The following MYO1H variants were observed in gnomAD, a reference collection of about 807,000 sequenced individuals.
The protein encoded by MYO1H is myosin IH.
Under a neutral mutation model 149.3 loss-of-function variants are expected in MYO1H, and 118 were observed. That is an observed-to-expected ratio of 0.79 (90% CI 0.68 to 0.92). The LOEUF (loss-of-function observed/expected upper bound fraction) is 0.92. Ranked by LOEUF, MYO1H falls within the 40% of genes least tolerant of loss-of-function variation. The pLI is 0.00. For missense variants in MYO1H, 1,212 were observed against 1,280.7 expected (o/e 0.95, Z 0.82); for synonymous variants, 447 against 465.2 (o/e 0.96, Z 0.50).
At chr12:109,312,793 T>G in the MYO1H span, among the ~76,000 whole-genome samples, 4 of 29,524 alleles carry the variant, frequency 1.4e-4, no homozygotes, top group Middle Eastern at 0.028. Context: ...TTGTTTTGTT[T>G]TTTTTTTTTT....
intron 31 of MYO1H, chr12:109,446,222 C>T: frequency 3.0e-6 from 3 of 985,456 alleles, no homozygotes; most frequent in Non-Finnish European, 3.6e-6. Flanking sequence ...CCTGAGCACA[C>T]AAGTACGCTG....
intron 6 of MYO1H, among the ~76,000 whole-genome samples, chr12:109,402,021 C>T (rs185154207): frequency 2.0e-5 from 3 of 151,722 alleles, no homozygotes; most frequent in Admixed American, 6.6e-5. Context: ...TTTACAGGCA[C>T]GAGCCACTGT....
At chr12:109,338,702 G>T in the MYO1H span, among the ~76,000 whole-genome samples, 1 of 148,210 alleles carries the variant, frequency 6.7e-6, no homozygotes, top group African/African-American at 2.5e-5. Flanking sequence ...GGAGGTGGAG[G>T]TTGCAGCGAG....
the MYO1H span, among the ~76,000 whole-genome samples, chr12:109,323,031 T>C: frequency 5.9e-5 from 9 of 152,084 alleles, no homozygotes; most frequent in African/African-American, 2.2e-4. Context: ...CGCTTGAACC[T>C]GGGAGGCAGA....
At chr12:109,423,837 T>C (rs992136999) in intron 16 of MYO1H, among the ~76,000 whole-genome samples, 1 of 152,316 alleles carries the variant, frequency 6.6e-6, no homozygotes, top group South Asian at 2.1e-4. Flanking sequence ...ATGTTACCTA[T>C]GTAGGGAAAA....
intron 1 of MYO1H, among the ~76,000 whole-genome samples, chr12:109,388,082 G>A (rs1869454968): frequency 6.6e-6 from 1 of 152,112 alleles, no homozygotes. Flanking sequence ...ATATTCCTCT[G>A]TAGCAAGAAT....
At chr12:109,417,902 G>A (rs991760431) in intron 15 of MYO1H, among the ~76,000 whole-genome samples, 1 of 151,552 alleles carries the variant, frequency 6.6e-6, no homozygotes, top group African/African-American at 2.4e-5. Context: ...TGCAAGCTCC[G>A]CCTCCCGGAT....
chr12:109,441,523 A>T, intron 25 of MYO1H, 92 bp from the exon 26 acceptor site: 1 of 765,226 alleles, frequency 1.3e-6, no homozygotes, highest in Non-Finnish European at 2.1e-6. Context: ...CAGTTTATCC[A>T]GCAAAGGATG....
chr12:109,402,068 CCTTCCACCTT>C (rs1259204070), intron 6 of MYO1H, among the ~76,000 whole-genome samples: 1 of 152,166 alleles, frequency 6.6e-6, no homozygotes, highest in East Asian at 1.9e-4. Flanking sequence ...CGCATTCCTG[CCTTCCACCTT>C]GACAAATGTT....
At chr12:109,393,401 T>C (rs145493707) in exon 3 of MYO1H, 5 of 1,589,146 alleles carry the variant, frequency 3.1e-6, no homozygotes, top group African/African-American at 2.7e-5. Flanking sequence ...GTGAGCCAGA[T>C]GGAACTTTAT....
At chr12:109,337,312 G>T in the MYO1H span, among the ~76,000 whole-genome samples, 1 of 152,046 alleles carries the variant, frequency 6.6e-6, no homozygotes, top group African/African-American at 2.4e-5. Flanking sequence ...TGTAGTAATG[G>T]CATGCCCACT....
At chr12:109,369,290 A>G (rs1868933680) in intron 1 of MYO1H, among the ~76,000 whole-genome samples, 1 of 152,178 alleles carries the variant, frequency 6.6e-6, no homozygotes, top group African/African-American at 2.4e-5. Flanking sequence ...CATGGTGTAT[A>G]TGTACCAAAT....
chr12:109,311,913 G>T, the MYO1H span, among the ~76,000 whole-genome samples: 1 of 152,198 alleles, frequency 6.6e-6, no homozygotes, highest in African/African-American at 2.4e-5. Flanking sequence ...CCAGTTCTAT[G>T]CAGTGGAAAA....
chr12:109,391,124 G>C (rs113599561), intron 2 of MYO1H, among the ~76,000 whole-genome samples: 1 of 152,318 alleles, frequency 6.6e-6, no homozygotes, highest in Non-Finnish European at 1.5e-5. Context: ...GGATGTGCAG[G>C]TTTGTTACAT....
the MYO1H span, among the ~76,000 whole-genome samples, chr12:109,326,534 T>TTTTA: frequency 6.6e-6 from 1 of 150,458 alleles, no homozygotes; most frequent in African/African-American, 2.5e-5. Context: ...TTTTATTTTA[T>TTTTA]TTTTTGAGAC....
intron 14 of MYO1H, among the ~76,000 whole-genome samples, chr12:109,413,231 T>C (rs745888597): frequency 2.6e-4 from 39 of 152,102 alleles, no homozygotes; most frequent in Non-Finnish European, 3.5e-4. Flanking sequence ...CACCTCAGTG[T>C]CCCAAAGTGC....
At chr12:109,395,901 T>TTTG (rs200011746) in intron 3 of MYO1H, among the ~76,000 whole-genome samples, 35,641 of 151,268 alleles carry the variant, frequency 0.24, 5,061 homozygotes, top group Admixed American at 0.38. Context: ...GTTGGTTTGT[T>TTTG]TTGTTGTTGT....
chr12:109,439,850 C>T, intron 24 of MYO1H, 60 bp downstream of exon 24: 1 of 1,473,694 alleles, frequency 6.8e-7, no homozygotes, highest in Non-Finnish European at 9.4e-7. Context: ...CGAAGCTTAA[C>T]TCTTGCATGT....
At chr12:109,443,836 G>T (rs1045100810) in intron 28 of MYO1H, among the ~76,000 whole-genome samples, 187 bp downstream of exon 28, 8 of 151,692 alleles carry the variant, frequency 5.3e-5, no homozygotes, top group African/African-American at 1.2e-4. Flanking sequence ...CTGGGAATTC[G>T]AAGCTGCAGT....
Sources: allele counts gnomAD v4.1 joint callset (sites outside exome capture counted in the v4.1 genomes callset), GRCh38; gene constraint gnomAD v4.1.1; transcripts MANE v1.5; gene names NCBI Gene and HGNC (gene_info 2026-07-23, HGNC 2026-07-21).